The following MXI1 variants were observed in gnomAD, a reference collection of about 807,000 sequenced individuals.
The protein encoded by MXI1 is MAX interactor 1, dimerization protein, also known as max-interacting protein 1.
Under a neutral mutation model 36.9 loss-of-function variants are expected in MXI1, and 18 were observed. The ratio of observed to expected loss-of-function variants is 0.49; its 90% CI spans 0.34 to 0.72. The LOEUF (loss-of-function observed/expected upper bound fraction) is 0.72, where lower values mean the gene tolerates loss of function less well. Ranked by LOEUF, MXI1 falls within the 30% of genes least tolerant of loss-of-function variation. The pLI, the probability that MXI1 is intolerant of heterozygous loss-of-function variation, is 0.01. For synonymous variants in MXI1, 160 were observed against 146.7 expected, an observed-to-expected ratio of 1.09 and a Z score of -0.65; for missense variants, 304 against 379.1, an observed-to-expected ratio of 0.80 and a Z score of 1.64.
At chr10:110,244,788 C>G in intron 2 of MXI1, 40 bp from the exon 3 acceptor site, 2 of 1,535,680 alleles carry the variant, frequency 1.3e-6, no homozygotes, top group Non-Finnish European at 1.8e-6. Flanking sequence ...GCTTTAGCAA[C>G]AAAGCATGGC....
chr10:110,253,056 A>G (rs1446783485), intron 3 of MXI1, among the ~76,000 whole-genome samples: 1 of 152,080 alleles, frequency 6.6e-6, no homozygotes, highest in Non-Finnish European at 1.5e-5. Context: ...AGAACACTTT[A>G]TCTGATGAAG....
chr10:110,232,442 A>T (rs1855308599), intron 2 of MXI1, among the ~76,000 whole-genome samples: 1 of 152,134 alleles, frequency 6.6e-6, no homozygotes, highest in Non-Finnish European at 1.5e-5. Context: ...ATGTTTCCTC[A>T]TCTGCCGTAG....
intron 1 of MXI1, among the ~76,000 whole-genome samples, chr10:110,214,558 C>T (rs541975644): frequency 2.1e-4 from 32 of 152,166 alleles, no homozygotes; most frequent in Non-Finnish European, 4.1e-4. Context: ...CCTGCAGAAG[C>T]GAATTGGCCA....
At chr10:110,240,329 G>C (rs1165762924) in intron 2 of MXI1, among the ~76,000 whole-genome samples, 2 of 151,998 alleles carry the variant, frequency 1.3e-5, no homozygotes, top group Non-Finnish European at 2.9e-5. Context: ...GCTTTGATAT[G>C]TAAGTTTTAA....
chr10:110,254,371 G>C (rs948587266), intron 3 of MXI1, among the ~76,000 whole-genome samples: 3 of 152,100 alleles, frequency 2.0e-5, no homozygotes, highest in Non-Finnish European at 4.4e-5. Context: ...TGGCTTCACT[G>C]ACTGGCTGTT....
At chr10:110,264,711 G>A (rs1205413089) in intron 3 of MXI1, among the ~76,000 whole-genome samples, 1 of 152,078 alleles carries the variant, frequency 6.6e-6, no homozygotes, top group Non-Finnish European at 1.5e-5. Flanking sequence ...TCATCCAGAT[G>A]AAGATTTCTT....
intron 1 of MXI1, among the ~76,000 whole-genome samples, chr10:110,223,103 A>G (rs1423636334): frequency 3.3e-5 from 5 of 152,212 alleles, no homozygotes; most frequent in African/African-American, 9.6e-5. Flanking sequence ...TGGCTCTAGA[A>G]GAAGGGCTCT....
At chr10:110,251,152 G>T (rs890666080) in intron 3 of MXI1, among the ~76,000 whole-genome samples, 4 of 151,502 alleles carry the variant, frequency 2.6e-5, no homozygotes, top group Non-Finnish European at 4.4e-5. Flanking sequence ...CCTCCACTGT[G>T]CAAGGCTATT....
intron 1 of MXI1, among the ~76,000 whole-genome samples, chr10:110,221,053 G>A (rs1026070251): frequency 1.9e-4 from 29 of 152,358 alleles, no homozygotes; most frequent in Admixed American, 3.3e-4. Flanking sequence ...GTGGAAGGGT[G>A]AGGTTGGGCC....
chr10:110,218,661 C>T (rs994451922), intron 1 of MXI1, among the ~76,000 whole-genome samples: 1 of 152,108 alleles, frequency 6.6e-6, no homozygotes, highest in Non-Finnish European at 1.5e-5. Context: ...ACTGCTTGCA[C>T]CTGCAGTAGT....
At chr10:110,241,294 TG>T in intron 2 of MXI1, among the ~76,000 whole-genome samples, 1 of 152,110 alleles carries the variant, frequency 6.6e-6, no homozygotes, top group African/African-American at 2.4e-5. Flanking sequence ...AATTCATTAG[TG>T]TTTGCTCTCA....
intron 3 of MXI1, among the ~76,000 whole-genome samples, chr10:110,250,736 G>A (rs1590372357): frequency 6.6e-6 from 1 of 150,802 alleles, no homozygotes; most frequent in African/African-American, 2.4e-5. Context: ...GGAGGCTGAG[G>A]CACAAGAATT....
intron 3 of MXI1, among the ~76,000 whole-genome samples, chr10:110,272,660 T>A (rs1328741905): frequency 6.6e-6 from 1 of 151,856 alleles, no homozygotes; most frequent in Non-Finnish European, 1.5e-5. Flanking sequence ...CCTTTCATGC[T>A]GAGGCTGACA....
chr10:110,244,350 G>C (rs1004575239), intron 2 of MXI1, among the ~76,000 whole-genome samples: 2 of 151,826 alleles, frequency 1.3e-5, no homozygotes, highest in Admixed American at 6.6e-5. Context: ...GGATTTGCCT[G>C]TATCACTAAG....
chr10:110,214,262 A>G (rs1041104161), intron 1 of MXI1, among the ~76,000 whole-genome samples: 3 of 152,328 alleles, frequency 2.0e-5, no homozygotes, highest in South Asian at 2.1e-4. Flanking sequence ...TTATTGTCCA[A>G]GGTCTTCCTG....
At chr10:110,261,461 G>GT (rs1856510224) in intron 3 of MXI1, among the ~76,000 whole-genome samples, 1 of 150,180 alleles carries the variant, frequency 6.7e-6, no homozygotes, top group Non-Finnish European at 1.5e-5. Context: ...CTCCAAGAGA[G>GT]TGTGAGGCAA....
chr10:110,265,990 A>G (rs1213095783), intron 3 of MXI1, among the ~76,000 whole-genome samples: 1 of 152,206 alleles, frequency 6.6e-6, no homozygotes, highest in African/African-American at 2.4e-5. Flanking sequence ...TTCAGCATGG[A>G]TAAGATAGAT....
At chr10:110,259,976 C>G (rs1249686594) in intron 3 of MXI1, among the ~76,000 whole-genome samples, 4 of 152,010 alleles carry the variant, frequency 2.6e-5, no homozygotes, top group Non-Finnish European at 4.4e-5. Flanking sequence ...TCTTCTAAAT[C>G]AAGAAAAGTT....
intron 2 of MXI1, among the ~76,000 whole-genome samples, chr10:110,242,648 C>T (rs1227258811): frequency 6.6e-6 from 1 of 151,924 alleles, no homozygotes; most frequent in Non-Finnish European, 1.5e-5. Context: ...GTCTGTTTGG[C>T]AGGCAGGAAG....
Sources: gnomAD v4.1 joint callset for allele counts (sites outside exome capture counted in the v4.1 genomes callset) on GRCh38, gnomAD v4.1.1 for gene constraint, MANE v1.5 for transcripts, NCBI Gene and HGNC (gene_info 2026-07-23, HGNC 2026-07-21) for gene names.